PCBP2: variants seen among roughly 807,000 people sequenced by gnomAD.
PCBP2 encodes the protein poly(rC) binding protein 2, also known as poly(rC)-binding protein 2.
In PCBP2, 4 loss-of-function variants were observed where a neutral mutation model predicts 50.1. That is an observed-to-expected ratio of 0.08 (90% CI 0.04 to 0.18). The LOEUF (loss-of-function observed/expected upper bound fraction) is 0.18. Among genes scored for constraint, PCBP2 ranks in the 10% least tolerant of loss-of-function variants. PCBP2 has a pLI of 1.00. For synonymous variants in PCBP2, 179 were observed against 168.0 expected (o/e 1.07, Z -0.51); for missense variants, 161 against 474.3 (o/e 0.34, Z 6.14).
intron 14 of PCBP2, among the ~76,000 whole-genome samples, chr12:53,478,916 C>T (rs1364723696): frequency 2.0e-5 from 3 of 151,952 alleles, no homozygotes; most frequent in Non-Finnish European, 4.4e-5. Flanking sequence ...TAATACCCTA[C>T]ACATTGATAG....
Position 53,455,620 on chromosome 12 carries a change from A to G in PCBP2, c.126+127A>G. 5 of 976,492 alleles carry G rather than the reference A, an allele frequency of 5.1e-6. No individual in the cohort carries two copies. In the South Asian group the frequency reaches 5.8e-5, roughly 11 times the overall value. The allele number at this position is 976,492 out of a possible 1,614,324, so 60.5% of individuals were successfully genotyped here. On this transcript the variant is annotated intron_variant, in intron 4 of 14. Transcript: ENST00000546463. ...ATATGTATTTTTTTTCGGCTTGGTT[A>G]TTTGTAGTGATAATCTGGGGAGTGT...
intron 6 of PCBP2, chr12:53,460,664 T>A: frequency 4.3e-6 from 1 of 234,208 alleles, no homozygotes; most frequent in Non-Finnish European, 8.6e-6. Flanking sequence ...GATGTAAATA[T>A]TTTTTCAGTA....
chr12:53,465,787 A>T, intron 9 of PCBP2, 145 bp from the exon 10 acceptor site: 1 of 662,566 alleles, frequency 1.5e-6, no homozygotes, highest in Non-Finnish European at 2.7e-6. Context: ...CATATTTGTG[A>T]GATTCCATCT....
At chr12:53,465,202 C>G (rs1428055414) in intron 9 of PCBP2, 1 of 205,768 alleles carries the variant, frequency 4.9e-6, no homozygotes, top group Non-Finnish European at 9.6e-6. Context: ...CCAGCCACTC[C>G]TTCCATCCCC....
rs926759429 is a variant in PCBP2 at position 53,454,800 on chromosome 12, C to T, written c.-1C>T. On this transcript the variant is annotated 5_prime_UTR_variant, in exon 2 of 15. Coordinates refer to ENST00000546463, the MANE Select transcript of PCBP2 (RefSeq NM_031989.5). The stretch of plus-strand genomic sequence containing the variant: ...TCCAGCTCCCCAGAACACTGCTCGA[C>T]ATGGACACCGGTGTGATTGAAGGTG... 8 of 1,613,920 alleles carry T rather than the reference C, an allele frequency of 5.0e-6. No individual in the cohort carries two copies. In the African/African-American group the frequency reaches 1.1e-4, roughly 22 times the overall value.
At position 53,480,194 on chromosome 12, in the gene PCBP2, G is replaced by C. The variant is rs1425000444; in HGVS notation, c.*752G>C. 1 of 152,044 alleles carries C rather than the reference G, an allele frequency of 6.6e-6. No individual in the cohort carries two copies. The highest frequency in any genetic ancestry group is 6.6e-5 in the Admixed American group (1 of 15,266). 9.4% of individuals were successfully genotyped at this position (152,044 alleles called of 1,614,324 possible). On this transcript the variant is annotated 3_prime_UTR_variant, in exon 15 of 15. Coordinates refer to ENST00000546463, the MANE Select transcript of PCBP2 (RefSeq NM_031989.5). ...TGTCTGACTGGGTTCCAGTTTCTTG[G>C]GAATGTTGGTCCCCTTGTTCAGGCT...
chr12:53,456,530 C>T (rs997362330), intron 5 of PCBP2, among the ~76,000 whole-genome samples: 4 of 151,664 alleles, frequency 2.6e-5, no homozygotes, highest in South Asian at 2.1e-4. Flanking sequence ...AAATAATTTG[C>T]GTGAAAAGCA....
chr12:53,452,646 G>A (rs530172820), intron 1 of PCBP2, among the ~76,000 whole-genome samples: 3 of 151,732 alleles, frequency 2.0e-5, no homozygotes, highest in Non-Finnish European at 2.9e-5. Context: ...CGCGCGGTAG[G>A]GGGGGCGGCG....
chr12:53,468,512 T>C, intron 12 of PCBP2: 1 of 496,078 alleles, frequency 2.0e-6, no homozygotes, highest in South Asian at 2.5e-5. Context: ...TTGCCCTTGC[T>C]TCCATCCCCC....
intron 14 of PCBP2, chr12:53,475,570 A>C: frequency 5.8e-6 from 1 of 172,650 alleles, no homozygotes; most frequent in Non-Finnish European, 1.2e-5. Context: ...TTTTTTAAGA[A>C]TTATTTAATG....
At chr12:53,473,155 C>T (rs1942352060) in intron 14 of PCBP2, among the ~76,000 whole-genome samples, 1 of 151,348 alleles carries the variant, frequency 6.6e-6, no homozygotes, top group Admixed American at 6.6e-5. Context: ...TCCATCTCGG[C>T]TCACTGCAAC....
chr12:53,465,296 G>GT (rs775847954), intron 9 of PCBP2, among the ~76,000 whole-genome samples: 5 of 151,936 alleles, frequency 3.3e-5, no homozygotes, highest in Non-Finnish European at 1.5e-5. Context: ...AGGTTATGTT[G>GT]TGGGGGGGAG....
At chr12:53,462,080 C>T (rs1358833611) in intron 7 of PCBP2, among the ~76,000 whole-genome samples, 7 of 152,156 alleles carry the variant, frequency 4.6e-5, no homozygotes, top group African/African-American at 1.7e-4. Context: ...TAGATAGTGT[C>T]TGTATTATTC....
In PCBP2 at chr12:53,467,306, C is replaced by G. The variant is rs767302993; in HGVS notation, c.787+13C>G. 2 of 1,603,230 alleles carry G rather than the reference C, an allele frequency of 1.2e-6. No homozygotes were observed. The highest frequency in any genetic ancestry group is 1.7e-6 in the Non-Finnish European group (2 of 1,170,098). ...ACCGGATTCAGTGGTATGGATACCT[C>G]AGTGTTTATTTCTGTAAGGTGTAGT... is the stretch of plus-strand genomic sequence containing the variant. On this transcript the variant is annotated intron_variant, in intron 11 of 14. Transcript: ENST00000546463.
chr12:53,473,090 T>A (rs988416742), intron 14 of PCBP2, among the ~76,000 whole-genome samples: 1 of 142,976 alleles, frequency 7.0e-6, no homozygotes, highest in Non-Finnish European at 1.5e-5. Context: ...TTTTCTTTCT[T>A]TTTTTTTTTT....
intron 2 of PCBP2, 40 bp downstream of exon 2, chr12:53,454,909 A>G (rs1940872082): frequency 1.3e-6 from 2 of 1,532,828 alleles, no homozygotes; most frequent in East Asian, 2.2e-5. Flanking sequence ...AGTAACTGCT[A>G]GGGGAGGGGC....
chr12:53,476,900 C>A (rs1197676886), intron 14 of PCBP2, among the ~76,000 whole-genome samples: 1 of 152,170 alleles, frequency 6.6e-6, no homozygotes, highest in Non-Finnish European at 1.5e-5. Flanking sequence ...CCATCTCCCC[C>A]CAGGGATGTG....
chr12:53,454,699 C>CTT (rs763303880), intron 1 of PCBP2, 27 bp from the exon 2 acceptor site: 289 of 786,766 alleles, frequency 3.7e-4, no homozygotes, highest in Non-Finnish European at 5.5e-4. Flanking sequence ...TTTTCCTCCT[C>CTT]TGATTTTGGT....
At chr12:53,457,630 GCCA>G (rs1428552405) in intron 5 of PCBP2, among the ~76,000 whole-genome samples, 1 of 152,178 alleles carries the variant, frequency 6.6e-6, no homozygotes, top group Non-Finnish European at 1.5e-5. Flanking sequence ...ACAGGCAGAA[GCCA>G]CCATGCGTGG....
Sources: allele counts gnomAD v4.1 joint callset (sites outside exome capture counted in the v4.1 genomes callset), GRCh38; gene constraint gnomAD v4.1.1; transcripts MANE v1.5; gene names NCBI Gene and HGNC (gene_info 2026-07-23, HGNC 2026-07-21).